The following CLASP2 variants were observed in gnomAD, a reference collection of about 807,000 sequenced individuals.
CLASP2 encodes the protein CLIP-associating protein 2.
CLASP2 carries 47 observed loss-of-function variants against 194.4 expected under a neutral mutation model. That is an observed-to-expected ratio of 0.24 (90% confidence interval 0.19 to 0.31). CLASP2 has a LOEUF of 0.31. CLASP2 is among the 10% of genes least tolerant of loss of function. The probability of loss-of-function intolerance (pLI) is 1.00; values close to 1 mark genes in which losing one functional copy is unlikely to be tolerated. For missense variants in CLASP2, 1,445 were observed against 1,823.6 expected (o/e 0.79, Z 3.78); for synonymous variants, 619 against 633.5 (o/e 0.98, Z 0.34).
chr3:33,620,958 T>C (rs961782002), intron 11 of CLASP2, among the ~76,000 whole-genome samples: 1 of 151,990 alleles, frequency 6.6e-6, no homozygotes, highest in Non-Finnish European at 1.5e-5. Context: ...AGTATACATC[T>C]AGACTCATGG....
At chr3:33,605,763 C>A (rs1479152796) in intron 16 of CLASP2, among the ~76,000 whole-genome samples, 2 of 152,252 alleles carry the variant, frequency 1.3e-5, no homozygotes, top group East Asian at 3.9e-4. Context: ...GGATTACAGG[C>A]ACCCGCCACC....
rs1006477011 is a variant in CLASP2 at position 33,575,858 on chromosome 3, A to G, written c.2454+311T>C. ...TTTAAGCTAGAGTTGAAATTACATG[A>G]TTTTAAGTGTACATATTTATATAGT... is the stretch of plus-strand genomic sequence containing the variant. On this transcript the variant is annotated intron_variant, in intron 24 of 38. Coordinates refer to ENST00000682230, the MANE Select transcript of CLASP2 (RefSeq NM_001365631.1). 4.6e-5 allele frequency among the ~76,000 whole-genome samples: 7 copies of G among 152,256 alleles called. No individual in the cohort carries two copies. The East Asian group carries it at 1.4e-3, about 29-fold the overall frequency.
rs563397818 is a variant in CLASP2 at position 33,604,373 on chromosome 3, A to G, written c.1695-164T>C. 2.7e-5 allele frequency among the ~76,000 whole-genome samples: 4 copies of G among 147,688 alleles called. No homozygotes were observed. In the East Asian group the frequency reaches 7.9e-4, roughly 29 times the overall value. ...TGCTGTGTCACCCAGGCTACAGTGT[A>G]GTCCCATAATCATGGCTCACTGCAG... On this transcript the variant is annotated intron_variant, in intron 16 of 38. Transcript: ENST00000682230.
rs983385239 is a variant in CLASP2 at position 33,671,774 on chromosome 3, C to A, written c.645-8259G>T. On this transcript the variant is annotated intron_variant, in intron 6 of 38. Transcript: ENST00000682230. Reference sequence around the variant, plus strand: ...CTTTTCCGACAGGCTTAAAAAATGGCGCACCAGGAGATTATATCCTGCACC... The same window carrying A: ...CTTTTCCGACAGGCTTAAAAAATGGAGCACCAGGAGATTATATCCTGCACC... 2.0e-5 allele frequency among the ~76,000 whole-genome samples: 3 copies of A among 152,182 alleles called. No homozygotes were observed. In the East Asian group the frequency reaches 5.8e-4, roughly 29 times the overall value.
chr3:33,536,167 T>C (rs1408944592), intron 33 of CLASP2, among the ~76,000 whole-genome samples: 1 of 152,054 alleles, frequency 6.6e-6, no homozygotes, highest in East Asian at 1.9e-4. Context: ...ATGCCTGGCA[T>C]TGTTCACAGC....
At chr3:33,693,105 T>G (rs1276253555) in intron 2 of CLASP2, among the ~76,000 whole-genome samples, 1 of 152,102 alleles carries the variant, frequency 6.6e-6, no homozygotes, top group Non-Finnish European at 1.5e-5. Context: ...GCATATTTTT[T>G]GTTTGAAAAT....
In CLASP2 at chr3:33,496,917, T is replaced by C. The variant is rs559016832; in HGVS notation, c.*1714A>G. 3 of 152,692 alleles carry C rather than the reference T, an allele frequency of 2.0e-5. No homozygotes were observed. In the East Asian group the frequency reaches 5.8e-4, roughly 29 times the overall value. 9.5% of individuals were successfully genotyped at this position (152,692 alleles called of 1,614,324 possible). A position where few individuals can be genotyped will look rare whatever the true frequency, so the allele number is the denominator to read the frequency against. On this transcript the variant is annotated 3_prime_UTR_variant, in exon 39 of 39. Coordinates refer to ENST00000682230, the MANE Select transcript of CLASP2 (RefSeq NM_001365631.1). ...ACAAAATTCAAGAGACCACCACTGA[T>C]ACAAGACCGTCTAAAGTTAAAATAA... is the stretch of plus-strand genomic sequence containing the variant.
rs569299194 is a variant in CLASP2 at position 33,513,236 on chromosome 3, C to A, written c.4111-2472G>T. Among the ~76,000 whole-genome samples the A allele has an allele frequency of 5.0e-3, 758 of 152,164 alleles. 9 individuals carry two copies. Among genetic ancestry groups the A allele is most frequent in the African/African-American group, 0.018 (737 of 41,512 alleles). ...CAAACACGGTTGAATAAAACAAAAA[C>A]AAAAACAGAAAACAAAACTGGGTCA... On this transcript the variant is annotated intron_variant, in intron 36 of 38. Transcript: ENST00000682230.
At chr3:33,561,312 A>G (rs1207077751) in intron 27 of CLASP2, among the ~76,000 whole-genome samples, 1 of 152,212 alleles carries the variant, frequency 6.6e-6, no homozygotes, top group Non-Finnish European at 1.5e-5. Flanking sequence ...TGTAGGGGAA[A>G]AAAACTATAG....
chr3:33,613,855 G>A (rs2075642203), intron 12 of CLASP2, among the ~76,000 whole-genome samples: 1 of 152,144 alleles, frequency 6.6e-6, no homozygotes, highest in East Asian at 1.9e-4. Context: ...CTAATGCTGG[G>A]TTAATCACAT....
chr3:33,711,933 C>T (rs1188652274), intron 1 of CLASP2, among the ~76,000 whole-genome samples: 4 of 152,064 alleles, frequency 2.6e-5, no homozygotes, highest in Non-Finnish European at 4.4e-5. Flanking sequence ...TGCTGGTGTC[C>T]ACTCTGAAAA....
At chr3:33,572,271 T>C (rs1230877832) in intron 25 of CLASP2, among the ~76,000 whole-genome samples, 1 of 152,206 alleles carries the variant, frequency 6.6e-6, no homozygotes, top group Non-Finnish European at 1.5e-5. Context: ...TTAATCTTGA[T>C]GGGCTGGGAA....
At chr3:33,583,966 T>C (rs1332677998) in intron 22 of CLASP2, among the ~76,000 whole-genome samples, 2 of 152,158 alleles carry the variant, frequency 1.3e-5, no homozygotes, top group African/African-American at 4.8e-5. Flanking sequence ...CAATGTTAAT[T>C]AGTCAATCCT....
intron 1 of CLASP2, among the ~76,000 whole-genome samples, chr3:33,715,268 T>C (rs2093236888): frequency 6.6e-6 from 1 of 152,230 alleles, no homozygotes; most frequent in Non-Finnish European, 1.5e-5. Context: ...TGTCTACCTC[T>C]TTCTAATGCA....
At chr3:33,533,095 C>T (rs950701266) in intron 34 of CLASP2, among the ~76,000 whole-genome samples, 2 of 152,146 alleles carry the variant, frequency 1.3e-5, no homozygotes, top group African/African-American at 4.8e-5. Context: ...TTTAGTCTGA[C>T]AGTTTGTGAC....
At position 33,695,745 on chromosome 3, in the gene CLASP2, G is replaced by T. The variant is rs114523020; in HGVS notation, c.274+1110C>A. Among the ~76,000 whole-genome samples the T allele has an allele frequency of 8.5e-3, 1,288 of 152,168 alleles. 21 individuals carry two copies. The highest frequency in any genetic ancestry group is 0.028 in the African/African-American group (1,165 of 41,502). ...GCTTGAGCCCAGGAATTCAAGACCA[G>T]CCTGGGTAACATAACAACACCCCAT... On this transcript the variant is annotated intron_variant, in intron 2 of 38. Coordinates refer to ENST00000682230, the MANE Select transcript of CLASP2 (RefSeq NM_001365631.1).
At chr3:33,595,459 T>A (rs556489609) in intron 19 of CLASP2, among the ~76,000 whole-genome samples, 1 of 152,062 alleles carries the variant, frequency 6.6e-6, no homozygotes. Context: ...TATCAAAGCA[T>A]CTACAAAGCA....
At chr3:33,517,463 G>A (rs772412740) in intron 34 of CLASP2, among the ~76,000 whole-genome samples, 12 of 152,174 alleles carry the variant, frequency 7.9e-5, no homozygotes, top group East Asian at 1.9e-4. Flanking sequence ...CCATTCTTAC[G>A]TCATCTTTGT....
In CLASP2 at chr3:33,604,217, G is replaced by A; in HGVS notation, c.1695-8C>T. 1 of 1,550,814 alleles carries A rather than the reference G, an allele frequency of 6.4e-7. No individual in the cohort carries two copies. The highest frequency in any genetic ancestry group is 8.7e-7 in the Non-Finnish European group (1 of 1,145,334). ...TTGGAAGAAAAAGGGCGACTGCAAA[G>A]TATAAAAAATGCTTTTAGTAAGAAG... On this transcript the variant is annotated splice_polypyrimidine_tract_variant and splice_region_variant and intron_variant, in intron 16 of 38. Coordinates refer to ENST00000682230, the MANE Select transcript of CLASP2 (RefSeq NM_001365631.1).
Sources: allele counts gnomAD v4.1 joint callset (sites outside exome capture counted in the v4.1 genomes callset), GRCh38; gene constraint gnomAD v4.1.1; transcripts MANE v1.5; gene names NCBI Gene and HGNC (gene_info 2026-07-23, HGNC 2026-07-21).